THOC1: variants seen among roughly 807,000 people sequenced by gnomAD.
THOC1 encodes the protein THO complex subunit 1.
Under a neutral mutation model 97.3 loss-of-function variants are expected in THOC1, and 29 were observed. That is an observed-to-expected ratio of 0.30 (90% confidence interval 0.22 to 0.41). THOC1 has a LOEUF of 0.41. THOC1 is among the 10% of genes least tolerant of loss of function. The pLI is 1.00. For missense variants in THOC1, 529 were observed against 761.9 expected (o/e 0.69, Z 3.60); for synonymous variants, 255 against 257.0 (o/e 0.99, Z 0.07).
In THOC1 at chr18:214,767, C is replaced by A; in HGVS notation, c.1833G>T (p.Met611Ile). 2 of 1,613,972 alleles carry A rather than the reference C, an allele frequency of 1.2e-6. No homozygotes were observed. Among genetic ancestry groups the A allele is most frequent in the Non-Finnish European group, 1.7e-6 (2 of 1,179,874 alleles). Reference protein sequence around the residue: ...QIECDSEDMKMRAKQLLVAWQ... With the variant: ...QIECDSEDMKIRAKQLLVAWQ... Reference sequence around the variant, plus strand: ...AGGCAACCAGGAGCTGCTTAGCTCTCATCTTCATGTCTTCACTGTCACACT... The same window carrying A: ...AGGCAACCAGGAGCTGCTTAGCTCTAATCTTCATGTCTTCACTGTCACACT... The change falls in exon 21 of 21, where the codon ATG (methionine) becomes ATT (isoleucine). Residue 611 changes from methionine to isoleucine, a missense_variant. This residue lies in a region of THOC1 where 98 missense variants were observed against 111.9 expected (regional missense o/e 0.88). Transcript: ENST00000261600.
chr18:222,168 G>A (rs1405033558), intron 17 of THOC1, among the ~76,000 whole-genome samples: 2 of 151,828 alleles, frequency 1.3e-5, no homozygotes, highest in Non-Finnish European at 2.9e-5. Flanking sequence ...CTTTAATTCT[G>A]ACCACCCCTT....
Position 259,784 on chromosome 18 carries a change from CAAT to C in THOC1, c.376-57_376-55del, listed in dbSNP as rs1007327193. 6.0e-5 allele frequency: 82 copies of C among 1,359,070 alleles called. No homozygotes were observed. In the African/African-American group the frequency reaches 9.8e-4, roughly 16 times the overall value. The allele number at this position is 1,359,070 out of a possible 1,614,324, so 84.2% of individuals were successfully genotyped here. ...TCTTCAGAACTTGTTACACATTCTT[CAAT>C]AATAAGTTGCCAGAGTGAAATATTA... On this transcript the variant is annotated intron_variant, in intron 5 of 20. Transcript: ENST00000261600.
intron 11 of THOC1, among the ~76,000 whole-genome samples, chr18:243,588 T>C (rs1204990027): frequency 2.0e-5 from 3 of 152,002 alleles, no homozygotes; most frequent in East Asian, 3.9e-4. Context: ...AGTTTTGAAA[T>C]AGCTGTCATG....
At chr18:232,808 T>C (rs979001909) in intron 11 of THOC1, among the ~76,000 whole-genome samples, 5 of 152,154 alleles carry the variant, frequency 3.3e-5, no homozygotes, top group Non-Finnish European at 7.4e-5. Flanking sequence ...ATCTCATATT[T>C]TATCTGCACT....
intron 1 of THOC1, among the ~76,000 whole-genome samples, chr18:266,958 TA>T (rs1013008738): frequency 5.3e-5 from 8 of 151,632 alleles, no homozygotes; most frequent in South Asian, 2.1e-4. Context: ...ATAATCCATT[TA>T]AAAAAAACCT....
intron 17 of THOC1, among the ~76,000 whole-genome samples, chr18:221,511 C>T (rs904843124): frequency 5.9e-5 from 9 of 151,788 alleles, no homozygotes; most frequent in African/African-American, 2.2e-4. Context: ...TATAACTATG[C>T]CTTTTAAAAA....
chr18:264,269 GA>G (rs1443011782), intron 3 of THOC1, among the ~76,000 whole-genome samples, 177 bp from the exon 4 acceptor site: 2 of 152,132 alleles, frequency 1.3e-5, no homozygotes, highest in East Asian at 3.9e-4. Flanking sequence ...GTAACATATA[GA>G]ATCAATAGTC....
intron 19 of THOC1, chr18:216,198 C>T (rs767741475): frequency 1.7e-4 from 45 of 266,610 alleles, no homozygotes; most frequent in African/African-American, 4.5e-5. Flanking sequence ...ATGATCCACC[C>T]GCCTCGGCCT....
chr18:237,788 T>G (rs956899405), intron 11 of THOC1, among the ~76,000 whole-genome samples: 8 of 152,198 alleles, frequency 5.3e-5, no homozygotes, highest in African/African-American at 1.9e-4. Flanking sequence ...TCAATTGAAA[T>G]AGAAAACATT....
At position 242,463 on chromosome 18, in the gene THOC1, T is replaced by C. The variant is rs1911941150; in HGVS notation, c.918+3861A>G. 1.3e-5 allele frequency among the ~76,000 whole-genome samples: 2 copies of C among 151,590 alleles called. No homozygotes were observed. Among genetic ancestry groups the C allele is most frequent in the Admixed American group, 6.6e-5 (1 of 15,190 alleles). On this transcript the variant is annotated intron_variant, in intron 11 of 20. Coordinates refer to ENST00000261600, the MANE Select transcript of THOC1 (RefSeq NM_005131.3). The surrounding 1 kb of genome is among the most constrained non-coding windows in gnomAD (Gnocchi z 4.5). ...GTCTCAAAAAAAAAAAAAAAGTTTG[T>C]ATCATCCTTGCCAAGCATTGTTTCC...
At chr18:255,891 C>T (rs1598304893) in intron 7 of THOC1, among the ~76,000 whole-genome samples, 2 of 152,324 alleles carry the variant, frequency 1.3e-5, no homozygotes, top group South Asian at 4.1e-4. Context: ...GCTAAATCTA[C>T]TCTGCCTTGG....
chr18:222,765 C>T (rs192156303), intron 17 of THOC1, among the ~76,000 whole-genome samples: 21 of 152,234 alleles, frequency 1.4e-4, no homozygotes, highest in African/African-American at 5.1e-4. Flanking sequence ...TTTAACTTTG[C>T]TCCTTTGTAG....
chr18:262,011 C>T (rs1912621234), intron 4 of THOC1, among the ~76,000 whole-genome samples: 1 of 152,174 alleles, frequency 6.6e-6, no homozygotes, highest in Non-Finnish European at 1.5e-5. Context: ...TTTCTAGTTC[C>T]CACTCCCCAG....
intron 12 of THOC1, chr18:225,876 T>G (rs1277602319): frequency 1.3e-5 from 2 of 154,612 alleles, no homozygotes; most frequent in African/African-American, 2.4e-5. Context: ...ATGCACTAGG[T>G]GATTTAAAGA....
rs146608743 is a variant in THOC1 at position 248,337 on chromosome 18, C to A, written c.678-380G>T. Among the ~76,000 whole-genome samples the A allele has an allele frequency of 2.1e-3, 326 of 152,260 alleles. 2 individuals carry two copies. The highest frequency in any genetic ancestry group is 7.6e-3 in the African/African-American group (317 of 41,552). On this transcript the variant is annotated intron_variant, in intron 9 of 20. Transcript: ENST00000261600. The stretch of plus-strand genomic sequence containing the variant: ...TATCACTGGCCTTTTCCTCTTCCTG[C>A]TGGCTAGAATGCAGATGTGAGCGTG...
chr18:226,086 T>C (rs562734660), intron 12 of THOC1: 17 of 152,246 alleles, frequency 1.1e-4, no homozygotes, highest in African/African-American at 3.6e-4. Context: ...ACCTCCAAAA[T>C]AGATAGAAGG....
chr18:252,169 G>A (rs1442374647), intron 9 of THOC1, among the ~76,000 whole-genome samples: 1 of 152,174 alleles, frequency 6.6e-6, no homozygotes, highest in East Asian at 1.9e-4. Context: ...GAGAGAAGGA[G>A]GAAAGGCTTC....
intron 6 of THOC1, 42 bp downstream of exon 6, chr18:259,640 T>C: frequency 1.4e-6 from 2 of 1,440,772 alleles, no homozygotes; most frequent in East Asian, 2.5e-5. Flanking sequence ...TCTGGGCATA[T>C]TTACACTTAA....
At chr18:230,902 AT>A (rs963624209) in intron 11 of THOC1, among the ~76,000 whole-genome samples, 1 of 151,924 alleles carries the variant, frequency 6.6e-6, no homozygotes, top group African/African-American at 2.4e-5. Context: ...TGCCCAGCTA[AT>A]TTTTTTCTTT....
Sources: allele counts gnomAD v4.1 joint callset (sites outside exome capture counted in the v4.1 genomes callset), GRCh38; gene constraint gnomAD v4.1.1; regional missense constraint gnomAD v4.1.1; non-coding constraint Gnocchi (gnomAD v3.1); transcripts MANE v1.5; gene names NCBI Gene and HGNC (gene_info 2026-07-23, HGNC 2026-07-21).